FBXL17: variants seen among roughly 807,000 people sequenced by gnomAD.
The protein encoded by FBXL17 is F-box and leucine rich repeat protein 17.
In FBXL17, 22 loss-of-function variants were observed where a neutral mutation model predicts 66.2. That is an observed-to-expected ratio of 0.33 (90% CI 0.24 to 0.47). The LOEUF (loss-of-function observed/expected upper bound fraction) is 0.47, where lower values mean the gene tolerates loss of function less well. FBXL17 is among the 20% of genes least tolerant of loss of function. The pLI is 1.00. For synonymous variants in FBXL17, 474 were observed against 400.5 expected, an observed-to-expected ratio of 1.18 and a Z score of -2.19; for missense variants, 878 against 948.2, an observed-to-expected ratio of 0.93 and a Z score of 0.97.
At position 108,015,110 on chromosome 5, in the gene FBXL17, A is replaced by G. The variant is rs187260710; in HGVS notation, c.1822+5815T>C. 3.2e-3 allele frequency among the ~76,000 whole-genome samples: 488 copies of G among 152,294 alleles called. 12 individuals carry two copies. The highest frequency in any genetic ancestry group is 4.9e-4 in the Non-Finnish European group (33 of 68,030). On this transcript the variant is annotated intron_variant, in intron 7 of 8. Coordinates refer to ENST00000542267, the MANE Select transcript of FBXL17 (RefSeq NM_001163315.3). ...ATATCACATTACTAAGAAAAAGAAC[A>G]TAACACCTGCTAAATGTAACAGTAG...
chr5:108,095,229 T>C (rs551200744), intron 6 of FBXL17, among the ~76,000 whole-genome samples: 48 of 151,492 alleles, frequency 3.2e-4, no homozygotes, highest in African/African-American at 9.7e-4. Flanking sequence ...AATCAACTTT[T>C]ATAAATACCA....
At chr5:108,378,520 A>C (rs1408822560) in intron 1 of FBXL17, among the ~76,000 whole-genome samples, 1 of 152,094 alleles carries the variant, frequency 6.6e-6, no homozygotes, top group African/African-American at 2.4e-5. Flanking sequence ...CTAATATTAG[A>C]AAAGAAAAAT....
At chr5:108,011,791 T>C (rs1754186550) in intron 7 of FBXL17, among the ~76,000 whole-genome samples, 2 of 152,148 alleles carry the variant, frequency 1.3e-5, no homozygotes, top group Admixed American at 1.3e-4. Flanking sequence ...GCCACTGCAC[T>C]CTAGCCTGGG....
intron 5 of FBXL17, among the ~76,000 whole-genome samples, chr5:108,217,868 G>T (rs1313881653): frequency 1.3e-5 from 2 of 152,110 alleles, no homozygotes; most frequent in African/African-American, 4.8e-5. Context: ...AGATCATGCA[G>T]TATTTGTCTT....
intron 8 of FBXL17, chr5:107,880,619 C>T (rs1419637763): frequency 2.1e-5 from 23 of 1,115,522 alleles, no homozygotes. Context: ...AAATTACACA[C>T]TTGTGAAAAA....
At chr5:108,171,563 G>T (rs1301132112) in intron 6 of FBXL17, among the ~76,000 whole-genome samples, 1 of 152,092 alleles carries the variant, frequency 6.6e-6, no homozygotes, top group Non-Finnish European at 1.5e-5. Flanking sequence ...CCCCACATAG[G>T]GCAGCTACAA....
intron 5 of FBXL17, among the ~76,000 whole-genome samples, chr5:108,203,245 T>C (rs982958768): frequency 2.0e-5 from 3 of 152,026 alleles, no homozygotes; most frequent in African/African-American, 7.2e-5. Flanking sequence ...TCCTCATGCA[T>C]CCCTAGAGGC....
At chr5:107,910,362 T>A (rs1042121857) in intron 7 of FBXL17, among the ~76,000 whole-genome samples, 2 of 152,152 alleles carry the variant, frequency 1.3e-5, no homozygotes, top group African/African-American at 4.8e-5. Flanking sequence ...ATTTTAAGAC[T>A]AATTGTTTTG....
At chr5:108,237,661 C>T (rs1356087848) in intron 4 of FBXL17, among the ~76,000 whole-genome samples, 1 of 152,114 alleles carries the variant, frequency 6.6e-6, no homozygotes, top group African/African-American at 2.4e-5. Context: ...GAAAGTTGTA[C>T]TTCAAAGTCC....
At chr5:108,135,351 A>T (rs1375104657) in intron 6 of FBXL17, among the ~76,000 whole-genome samples, 1 of 152,018 alleles carries the variant, frequency 6.6e-6, no homozygotes, top group Non-Finnish European at 1.5e-5. Flanking sequence ...GGGAATATTT[A>T]CTCCCAAGTG....
At chr5:108,325,322 T>C (rs925792040) in intron 4 of FBXL17, among the ~76,000 whole-genome samples, 1 of 152,160 alleles carries the variant, frequency 6.6e-6, no homozygotes, top group Non-Finnish European at 1.5e-5. Context: ...AAGTATTATC[T>C]TTGTATTCAA....
chr5:108,369,367 G>T lies in FBXL17; in HGVS notation c.994-1414C>A, dbSNP rs186213110. ...CTTATGTCTCATGTCTCCCTAAAAT[G>T]TACAAAACTAGGCTGTGCCCAACCA... On this transcript the variant is annotated intron_variant, in intron 1 of 8. Coordinates refer to ENST00000542267, the MANE Select transcript of FBXL17 (RefSeq NM_001163315.3). Among the ~76,000 whole-genome samples the T allele has an allele frequency of 2.7e-3, 418 of 152,252 alleles. 3 individuals are homozygous for T. Among genetic ancestry groups the T allele is most frequent in the Non-Finnish European group, 4.6e-3 (312 of 68,012 alleles).
chr5:108,330,968 G>A (rs570536190), intron 4 of FBXL17, among the ~76,000 whole-genome samples: 2 of 152,058 alleles, frequency 1.3e-5, no homozygotes, highest in Admixed American at 6.5e-5. Flanking sequence ...CAGGACTGTC[G>A]CTTGAACCCA....
chr5:107,944,400 A>G (rs1270436544), intron 7 of FBXL17, among the ~76,000 whole-genome samples: 3 of 152,192 alleles, frequency 2.0e-5, no homozygotes, highest in Non-Finnish European at 4.4e-5. Flanking sequence ...CTTTATGTTC[A>G]TTCAAGAAAG....
intron 7 of FBXL17, among the ~76,000 whole-genome samples, chr5:107,963,679 C>A (rs543157526): frequency 1.6e-4 from 24 of 152,152 alleles, no homozygotes; most frequent in Admixed American, 1.1e-3. Flanking sequence ...AAATTTCATA[C>A]ACAGTAGATG....
At position 108,381,604 on chromosome 5, in the gene FBXL17, G is replaced by C. The variant is rs536861617; in HGVS notation, c.88C>G (p.Leu30Val). Residue 30 changes from leucine to valine, a missense_variant, in exon 1 of 9, where the codon CTC becomes GTC. Transcript: ENST00000542267. Reference sequence around the variant, plus strand: ...GGGGTCCGGCGGGGCAGCCTGAGGAGAGGGCGCCGGCGGCGGCACCAACTG... The same window carrying C: ...GGGGTCCGGCGGGGCAGCCTGAGGACAGGGCGCCGGCGGCGGCACCAACTG... ...CCSWCRRRRP[L>V]LRLPRRTPAK... 2.8e-4 allele frequency: 408 copies of C among 1,480,616 alleles called. 2 individuals carry two copies. The African/African-American group carries it at 3.8e-3, about 14-fold the overall frequency. 91.7% of individuals were successfully genotyped at this position (1,480,616 alleles called of 1,614,324 possible). A position where few individuals can be genotyped will look rare whatever the true frequency, so the allele number is the denominator to read the frequency against.
At chr5:108,084,739 A>C (rs1349637183) in intron 6 of FBXL17, among the ~76,000 whole-genome samples, 2 of 152,228 alleles carry the variant, frequency 1.3e-5, no homozygotes, top group Non-Finnish European at 2.9e-5. Context: ...GTCAGCCTGC[A>C]ATCTCAACCA....
At chr5:107,953,097 CT>C (rs924594485) in intron 7 of FBXL17, among the ~76,000 whole-genome samples, 89 of 36,142 alleles carry the variant, frequency 2.5e-3, no homozygotes, top group Non-Finnish European at 3.7e-3. Flanking sequence ...TTGTTTCATA[CT>C]TTAAAAAAAA....
intron 8 of FBXL17, among the ~76,000 whole-genome samples, chr5:107,872,413 G>A (rs1270725213): frequency 1.3e-5 from 2 of 152,210 alleles, no homozygotes; most frequent in African/African-American, 2.4e-5. Flanking sequence ...ATTATTAAGA[G>A]GCAGTGGGAT....
Sources: allele counts gnomAD v4.1 joint callset (sites outside exome capture counted in the v4.1 genomes callset), GRCh38; gene constraint gnomAD v4.1.1; transcripts MANE v1.5; gene names NCBI Gene and HGNC (gene_info 2026-07-23, HGNC 2026-07-21).